Variants in TMTC4 observed in about 807,000 individuals in gnomAD.
The protein encoded by TMTC4 is transmembrane O-mannosyltransferase targeting cadherins 4, also known as protein O-mannosyl-transferase TMTC4.
A neutral mutation model predicts 86.0 loss-of-function variants in TMTC4; 65 were observed. That is an observed-to-expected ratio of 0.76 (90% CI 0.62 to 0.93). TMTC4 has a LOEUF of 0.93. Ranked by LOEUF, TMTC4 falls within the 40% of genes least tolerant of loss-of-function variation. The pLI is 0.00. For missense variants in TMTC4, 866 were observed against 948.1 expected (o/e 0.91, Z 1.14); for synonymous variants, 379 against 382.5 (o/e 0.99, Z 0.11).
intron 12 of TMTC4, among the ~76,000 whole-genome samples, chr13:100,626,990 T>C (rs1314486711): frequency 6.6e-6 from 1 of 152,156 alleles, no homozygotes; most frequent in African/African-American, 2.4e-5. Context: ...CCATGCCCCC[T>C]TTCCGCCACG....
intron 18 of TMTC4, 121 bp downstream of exon 18, chr13:100,606,237 A>G: frequency 1.2e-6 from 1 of 831,796 alleles, no homozygotes; most frequent in African/African-American, 1.7e-5. Flanking sequence ...TAACAGAACC[A>G]CATTTTAAAG....
At chr13:100,651,295 T>C (rs1248476463) in intron 6 of TMTC4, among the ~76,000 whole-genome samples, 1 of 152,204 alleles carries the variant, frequency 6.6e-6, no homozygotes, top group Non-Finnish European at 1.5e-5. Flanking sequence ...AAGAGAGATG[T>C]AAATACAAGA....
intron 7 of TMTC4, 129 bp downstream of exon 7, chr13:100,642,082 A>T: frequency 1.1e-6 from 1 of 870,316 alleles, no homozygotes; most frequent in Non-Finnish European, 1.8e-6. Context: ...AGAAAGGTCT[A>T]TCACCTCAGG....
At chr13:100,630,738 A>T (rs1421595073) in intron 12 of TMTC4, among the ~76,000 whole-genome samples, 1 of 152,174 alleles carries the variant, frequency 6.6e-6, no homozygotes, top group Non-Finnish European at 1.5e-5. Context: ...GTTCCAGGCA[A>T]ATTCTGTTTT....
Position 100,635,090 on chromosome 13 carries a change from G to A in TMTC4, c.1308C>T (p.Pro436=), listed in dbSNP as rs1320982631. ...FVVAERVLYL[P]SVGYCVLLTF... ...TCAGCAGCACACAGTACCCAACGCT[G>A]GGGAGGTAGAGGACACGCTCTGCGA... The change falls in exon 11 of 19, where the codon CCC becomes CCT. Residue 436 remains proline, a synonymous_variant. Coordinates refer to ENST00000342624, the MANE Select transcript of TMTC4 (RefSeq NM_032813.5). 2 of 1,613,986 alleles carry A rather than the reference G, an allele frequency of 1.2e-6. No homozygotes were observed. The highest frequency in any genetic ancestry group is 1.7e-6 in the Non-Finnish European group (2 of 1,180,022).
chr13:100,630,339 G>A (rs1001975790), intron 12 of TMTC4, among the ~76,000 whole-genome samples: 1 of 152,214 alleles, frequency 6.6e-6, no homozygotes, highest in Non-Finnish European at 1.5e-5. Flanking sequence ...TACCCACTCT[G>A]ATGAAAGGAC....
intron 7 of TMTC4, 118 bp from the exon 8 acceptor site, chr13:100,638,140 G>A (rs530998368): frequency 1.1e-4 from 78 of 703,422 alleles, no homozygotes; most frequent in Non-Finnish European, 1.6e-4. Context: ...AGAGAATCAC[G>A]GAAGACCTCT....
intron 1 of TMTC4, among the ~76,000 whole-genome samples, chr13:100,673,547 C>CA (rs1313764350): frequency 6.6e-6 from 1 of 152,216 alleles, no homozygotes; most frequent in Non-Finnish European, 1.5e-5. Context: ...CCTGACTGAT[C>CA]AGACCCTGGG....
At chr13:100,626,294 G>A in intron 12 of TMTC4, 144 bp from the exon 13 acceptor site, 3 of 784,230 alleles carry the variant, frequency 3.8e-6, no homozygotes, top group South Asian at 1.7e-5. Flanking sequence ...AACCCTACAG[G>A]GGTTAGGAGT....
chr13:100,608,023 A>G (rs1325296238), intron 17 of TMTC4, among the ~76,000 whole-genome samples: 1 of 152,168 alleles, frequency 6.6e-6, no homozygotes, highest in African/African-American at 2.4e-5. Flanking sequence ...AAACATTTCC[A>G]TTTAAAACCT....
chr13:100,646,351 G>T (rs1383131008), intron 6 of TMTC4, among the ~76,000 whole-genome samples: 1 of 152,190 alleles, frequency 6.6e-6, no homozygotes, highest in Non-Finnish European at 1.5e-5. Flanking sequence ...CTATCAAAAG[G>T]GGTGCAATAA....
At chr13:100,622,975 C>A (rs1444505206) in intron 15 of TMTC4, among the ~76,000 whole-genome samples, 1 of 152,134 alleles carries the variant, frequency 6.6e-6, no homozygotes, top group Non-Finnish European at 1.5e-5. Flanking sequence ...ATTCTATCTC[C>A]ACAACTCACA....
rs35965658 is a variant in TMTC4 at position 100,655,016 on chromosome 13, ATTTTTT to A, written c.640+1359_640+1364del. Among the ~76,000 whole-genome samples, 18 of 118,640 alleles carry A rather than the reference ATTTTTT, an allele frequency of 1.5e-4. No individual in the cohort carries two copies. In the South Asian group the frequency reaches 2.0e-3, roughly 13 times the overall value. The allele number at this position is 118,640 out of a possible 152,430, so 77.8% of individuals were successfully genotyped here. ...GTCTTTGAGAAAAGCCACAACGCCT[ATTTTTT>A]TTTTTTTTTTTTTTTGTGAGACGGA... On this transcript the variant is annotated intron_variant, in intron 6 of 18. Transcript: ENST00000342624.
At chr13:100,641,615 G>A (rs1047716174) in intron 7 of TMTC4, among the ~76,000 whole-genome samples, 2 of 152,148 alleles carry the variant, frequency 1.3e-5, no homozygotes, top group Admixed American at 1.3e-4. Context: ...AACCTCCTGA[G>A]TAGCTGGGAT....
chr13:100,638,197 T>G (rs532341719), intron 7 of TMTC4, 175 bp from the exon 8 acceptor site: 1 of 540,872 alleles, frequency 1.8e-6, no homozygotes, highest in South Asian at 2.9e-5. Flanking sequence ...TCTATGAAAT[T>G]AGCTCAAGGT....
rs1876276519 is a variant in TMTC4 at position 100,604,456 on chromosome 13, A to G, written c.*538T>C. 6.6e-6 allele frequency: 1 copy of G among 152,234 alleles called. No individual in the cohort carries two copies. Among genetic ancestry groups the G allele is most frequent in the South Asian group, 2.1e-4 (1 of 4,834 alleles). 9.4% of individuals were successfully genotyped at this position (152,234 alleles called of 1,614,324 possible). A position where few individuals can be genotyped will look rare whatever the true frequency, so the allele number is the denominator to read the frequency against. The stretch of plus-strand genomic sequence containing the variant: ...CATTCCTCATTCGATTATTTGCCCT[A>G]TTCAAAACATAAAAATACAAATAAA... On this transcript the variant is annotated 3_prime_UTR_variant, in exon 19 of 19. Transcript: ENST00000342624.
In TMTC4 at chr13:100,614,393, G is replaced by A. The variant is rs774619015; in HGVS notation, c.1874C>T (p.Ala625Val). 9.3e-6 allele frequency: 15 copies of A among 1,612,590 alleles called. No homozygotes were observed. The highest frequency in any genetic ancestry group is 2.2e-5 in the East Asian group (1 of 44,854). The stretch of plus-strand genomic sequence containing the variant: ...TTTCAGCACGGTGGCATTTCTCCAC[G>A]CATTCAAGGCATCCACGTGGCGATT... The part of the protein sequence containing the change: ...DLNRHVDALN[A>V]WRNATVLKPE... Residue 625 changes from alanine to valine, a missense_variant, in exon 16 of 19, where the codon GCG (alanine) becomes GTG (valine). Coordinates refer to ENST00000342624, the MANE Select transcript of TMTC4 (RefSeq NM_032813.5).
Position 100,634,733 on chromosome 13 carries a change from T to A in TMTC4, c.1506+72A>T, listed in dbSNP as rs1594295168. 9 of 1,542,134 alleles carry A rather than the reference T, an allele frequency of 5.8e-6. No individual in the cohort carries two copies. In the East Asian group the frequency reaches 2.0e-4, roughly 35 times the overall value. On this transcript the variant is annotated intron_variant, in intron 12 of 18. Coordinates refer to ENST00000342624, the MANE Select transcript of TMTC4 (RefSeq NM_032813.5). The stretch of plus-strand genomic sequence containing the variant: ...ACTAAATACTGCGCGACAGGAAATG[T>A]TCTTATTCAGCCCAAGAACTTAACA...
At chr13:100,644,888 C>T (rs953235002) in intron 6 of TMTC4, among the ~76,000 whole-genome samples, 1 of 151,786 alleles carries the variant, frequency 6.6e-6, no homozygotes, top group African/African-American at 2.4e-5. Context: ...GATCTCGGCT[C>T]ACTGCAACCT....
Sources: gnomAD v4.1 joint callset for allele counts (sites outside exome capture counted in the v4.1 genomes callset) on GRCh38, gnomAD v4.1.1 for gene constraint, MANE v1.5 for transcripts, NCBI Gene and HGNC (gene_info 2026-07-23, HGNC 2026-07-21) for gene names.